Variants in KCMF1 observed in about 807,000 individuals in gnomAD.
KCMF1 encodes E3 ubiquitin-protein ligase KCMF1.
KCMF1 carries 3 observed loss-of-function variants against 41.1 expected under a neutral mutation model. The ratio of observed to expected loss-of-function variants is 0.07; its 90% CI spans 0.03 to 0.19. The LOEUF is 0.19. KCMF1 is among the 10% of genes least tolerant of loss of function. The pLI, the probability that KCMF1 is intolerant of heterozygous loss-of-function variation, is 1.00. For synonymous variants in KCMF1, 142 were observed against 164.5 expected (o/e 0.86, Z 1.04); for missense variants, 286 against 488.9 (o/e 0.58, Z 3.91).
intron 6 of KCMF1, among the ~76,000 whole-genome samples, chr2:85,052,099 C>T (rs188666693): frequency 6.6e-6 from 1 of 152,252 alleles, no homozygotes; most frequent in East Asian, 1.9e-4. Flanking sequence ...GATAGAATTT[C>T]GCTCTTGTTG....
chr2:85,015,613 A>G (rs1197205379), intron 1 of KCMF1, among the ~76,000 whole-genome samples: 1 of 152,198 alleles, frequency 6.6e-6, no homozygotes, highest in Non-Finnish European at 1.5e-5. Context: ...CTATACTGAA[A>G]ACTTTTAGAA....
In KCMF1 at chr2:85,054,198, G is replaced by A. The variant is rs2104073068; in HGVS notation, c.*789G>A. 6.6e-6 allele frequency: 1 copy of A among 151,922 alleles called. No individual in the cohort carries two copies. Among genetic ancestry groups the A allele is most frequent in the East Asian group, 1.9e-4 (1 of 5,202 alleles). The allele number at this position is 151,922 out of a possible 1,614,324, so 9.4% of individuals were successfully genotyped here. On this transcript the variant is annotated 3_prime_UTR_variant, in exon 7 of 7. Transcript: ENST00000409785. ...TGTTTGTTTAAAGTTTTTACTTTTT[G>A]TGGTTGTTTAAAATTTTTTCAATTG...
intron 1 of KCMF1, among the ~76,000 whole-genome samples, chr2:84,987,631 A>G: frequency 6.6e-6 from 1 of 152,214 alleles, no homozygotes; most frequent in South Asian, 2.1e-4. Context: ...GCCACTAGGT[A>G]GAAATCAGAA....
intron 6 of KCMF1, among the ~76,000 whole-genome samples, chr2:85,050,354 C>T (rs1209802361): frequency 6.6e-6 from 1 of 152,080 alleles, no homozygotes; most frequent in Non-Finnish European, 1.5e-5. Context: ...TTTCATAATA[C>T]AGTGGCAGTT....
At chr2:84,973,284 G>A (rs1045040411) in intron 1 of KCMF1, among the ~76,000 whole-genome samples, 4 of 152,188 alleles carry the variant, frequency 2.6e-5, no homozygotes, top group Admixed American at 2.6e-4. Flanking sequence ...TTCACCCCCA[G>A]TGCTCTGTTA....
chr2:85,043,653 C>G lies in KCMF1; in HGVS notation c.414C>G (p.Ala138=). 6.3e-7 allele frequency: 1 copy of G among 1,599,782 alleles called. No individual in the cohort carries two copies. Among genetic ancestry groups the G allele is most frequent in the South Asian group, 1.1e-5 (1 of 90,430 alleles). The change falls in exon 4 of 7, where the codon GCC becomes GCG. Residue 138 remains alanine (A), a synonymous_variant. Transcript: ENST00000409785. ...FAAHLTLEHR[A]PRDLDESSGV... ...CTCATCTTACACTTGAACACAGAGC[C>G]CCTAGAGATTTAATATCCTTTTAAG...
intron 1 of KCMF1, among the ~76,000 whole-genome samples, chr2:84,984,154 G>A (rs1673837143): frequency 6.6e-6 from 1 of 152,140 alleles, no homozygotes; most frequent in South Asian, 2.1e-4. Context: ...GCTGAGGAAG[G>A]AGGATTGTTT....
chr2:85,035,042 T>A lies in KCMF1; in HGVS notation c.211T>A (p.Ser71Thr). The A allele has an allele frequency of 6.2e-7, 1 of 1,613,008 alleles. No homozygotes were observed. Among genetic ancestry groups the A allele is most frequent in the Non-Finnish European group, 8.5e-7 (1 of 1,179,200 alleles). The change falls in exon 3 of 7, where the codon TCT (serine) becomes ACT (threonine). Residue 71 changes from serine to threonine, a missense_variant. Ser to Thr is a moderately conservative substitution (Grantham distance 58). Coordinates refer to ENST00000409785, the MANE Select transcript of KCMF1 (RefSeq NM_020122.5). ...TTTATACTATGGTGGGGAAGCTTTC[T>A]CTGTAGAGCAGCCACAGTCTTTTAC... Reference protein sequence around the residue: ...FDLYYGGEAFSVEQPQSFTCP... With the variant: ...FDLYYGGEAFTVEQPQSFTCP...
chr2:84,992,410 C>T (rs1265772338), intron 1 of KCMF1, among the ~76,000 whole-genome samples: 1 of 151,988 alleles, frequency 6.6e-6, no homozygotes. Context: ...CGCACGCCAC[C>T]ACACCCAGCT....
chr2:84,979,184 T>C (rs967794653), intron 1 of KCMF1, among the ~76,000 whole-genome samples: 1 of 152,128 alleles, frequency 6.6e-6, no homozygotes, highest in Non-Finnish European at 1.5e-5. Context: ...TCCAAAAGTT[T>C]TTAGTGAAGG....
chr2:85,024,718 G>A (rs1036624849), intron 1 of KCMF1, among the ~76,000 whole-genome samples: 6 of 151,926 alleles, frequency 3.9e-5, no homozygotes, highest in African/African-American at 9.7e-5. Context: ...TTTTGAATCC[G>A]TCTTTAAACC....
intron 2 of KCMF1, among the ~76,000 whole-genome samples, chr2:85,032,225 G>GCAGT (rs1341928260): frequency 1.3e-5 from 2 of 152,122 alleles, no homozygotes; most frequent in Non-Finnish European, 2.9e-5. Context: ...AGGCTGGAGT[G>GCAGT]CAGTGGTGCA....
chr2:85,046,935 T>C (rs1243742693), intron 5 of KCMF1, among the ~76,000 whole-genome samples: 1 of 152,186 alleles, frequency 6.6e-6, no homozygotes, highest in Non-Finnish European at 1.5e-5. Context: ...TAGTATATTT[T>C]TAGATTTACT....
At position 84,971,570 on chromosome 2, in the gene KCMF1, C is replaced by T. The variant is rs1384861134; in HGVS notation, c.16+103C>T. The T allele has an allele frequency of 1.1e-5, 6 of 566,988 alleles. No homozygotes were observed. In the Admixed American group the frequency reaches 2.2e-4, roughly 21 times the overall value. 35.1% of individuals were successfully genotyped at this position (566,988 alleles called of 1,614,324 possible). A position where few individuals can be genotyped will look rare whatever the true frequency, so the allele number is the denominator to read the frequency against. On this transcript the variant is annotated intron_variant, in intron 1 of 6. Coordinates refer to ENST00000409785, the MANE Select transcript of KCMF1 (RefSeq NM_020122.5). Reference sequence around the variant, plus strand: ...GCCGGGAAGCGGCGGAGACTTTGGCCGAGCCCGAGCCGGGCCCGAGGCGCT... The same window carrying T: ...GCCGGGAAGCGGCGGAGACTTTGGCTGAGCCCGAGCCGGGCCCGAGGCGCT...
intron 1 of KCMF1, among the ~76,000 whole-genome samples, chr2:84,974,251 G>A (rs1306987988): frequency 6.6e-6 from 1 of 152,132 alleles, no homozygotes. Flanking sequence ...CTGGTAAAAG[G>A]TTTGAACAAG....
At chr2:85,017,834 A>T (rs1056901975) in intron 1 of KCMF1, among the ~76,000 whole-genome samples, 5 of 152,194 alleles carry the variant, frequency 3.3e-5, no homozygotes, top group Admixed American at 3.3e-4. Flanking sequence ...ACGAATATTA[A>T]AAACCTCTTT....
chr2:84,983,820 A>G (rs1673828088), intron 1 of KCMF1, among the ~76,000 whole-genome samples: 2 of 151,294 alleles, frequency 1.3e-5, no homozygotes, highest in East Asian at 2.0e-4. Flanking sequence ...TGACTTTTGT[A>G]TTTTTTATAG....
chr2:85,003,936 T>G (rs1293157606), intron 1 of KCMF1, among the ~76,000 whole-genome samples: 1 of 151,890 alleles, frequency 6.6e-6, no homozygotes, highest in African/African-American at 2.4e-5. Flanking sequence ...GGGGGGACAT[T>G]TTTCCAAGAC....
intron 3 of KCMF1, among the ~76,000 whole-genome samples, chr2:85,036,161 A>G (rs1194040183): frequency 6.6e-6 from 1 of 152,218 alleles, no homozygotes; most frequent in Non-Finnish European, 1.5e-5. Flanking sequence ...TTGTTATAAC[A>G]TGTATAGTTC....
Sources: allele counts gnomAD v4.1 joint callset (sites outside exome capture counted in the v4.1 genomes callset), GRCh38; gene constraint gnomAD v4.1.1; transcripts MANE v1.5; gene names NCBI Gene and HGNC (gene_info 2026-07-23, HGNC 2026-07-21).